The following ROBO1 variants were observed in gnomAD, a reference collection of about 807,000 sequenced individuals.
ROBO1 encodes roundabout guidance receptor 1.
ROBO1 carries 149 observed loss-of-function variants against 195.9 expected under a neutral mutation model. The ratio of observed to expected loss-of-function variants is 0.76; its 90% confidence interval spans 0.67 to 0.87. ROBO1 has a LOEUF of 0.87. Among genes scored for constraint, ROBO1 ranks in the 40% least tolerant of loss-of-function variants. The pLI, the probability that ROBO1 is intolerant of heterozygous loss-of-function variation, is 0.00. For synonymous variants in ROBO1, 816 were observed against 733.2 expected, an observed-to-expected ratio of 1.11 and a Z score of -1.82; for missense variants, 1,933 against 2,068.3, an observed-to-expected ratio of 0.93 and a Z score of 1.27.
At position 79,148,403 on chromosome 3, in the gene ROBO1, G is replaced by T. The variant is rs181301254; in HGVS notation, c.89-22864C>A. Among the ~76,000 whole-genome samples the T allele has an allele frequency of 2.2e-4, 33 of 151,886 alleles. No individual in the cohort carries two copies. The East Asian group carries it at 5.9e-3, about 27-fold the overall frequency. On this transcript the variant is annotated intron_variant, in intron 2 of 30. Transcript: ENST00000464233. Reference sequence around the variant, plus strand: ...TACTCAGGAGGCTGATGGGTCTCCTGAGCCTAGAGTTCGAGGCCAGCCTAG... The same window carrying T: ...TACTCAGGAGGCTGATGGGTCTCCTTAGCCTAGAGTTCGAGGCCAGCCTAG...
chr3:79,603,525 G>A (rs1324897543), intron 1 of ROBO1, among the ~76,000 whole-genome samples: 1 of 151,930 alleles, frequency 6.6e-6, no homozygotes, highest in African/African-American at 2.4e-5. Flanking sequence ...AACTGCTGCT[G>A]ATCTAACCTG....
intron 4 of ROBO1, among the ~76,000 whole-genome samples, chr3:78,900,490 A>C (rs2037518114): frequency 6.6e-6 from 1 of 152,174 alleles, no homozygotes; most frequent in African/African-American, 2.4e-5. Context: ...TGATGTTCTT[A>C]ATAAAAATGC....
In ROBO1 at chr3:78,597,589, ATG is replaced by A. The variant is rs1230927364; in HGVS notation, c.*1322_*1323del. Reference sequence around the variant, plus strand: ...TTATAAAATCAATGATATTCATAAAATGACAAAAAAGGATCATAGAAATCTAC... The same window carrying A: ...TTATAAAATCAATGATATTCATAAAAACAAAAAAGGATCATAGAAATCTAC... On this transcript the variant is annotated 3_prime_UTR_variant, in exon 31 of 31. Coordinates refer to ENST00000464233, the MANE Select transcript of ROBO1 (RefSeq NM_002941.4). The A allele has an allele frequency of 6.6e-6, 1 of 152,376 alleles. No homozygotes were observed. Among genetic ancestry groups the A allele is most frequent in the Admixed American group, 6.5e-5 (1 of 15,276 alleles). The allele number at this position is 152,376 out of a possible 1,614,324, so 9.4% of individuals were successfully genotyped here.
intron 2 of ROBO1, among the ~76,000 whole-genome samples, chr3:79,448,615 A>T (rs1031281969): frequency 1.3e-5 from 2 of 152,170 alleles, no homozygotes; most frequent in African/African-American, 4.8e-5. Context: ...TGGAGAGGGT[A>T]GTTTTCCTCA....
chr3:78,834,342 G>A (rs1346648472), intron 4 of ROBO1, among the ~76,000 whole-genome samples: 1 of 151,426 alleles, frequency 6.6e-6, no homozygotes, highest in Admixed American at 6.6e-5. Flanking sequence ...CGGCTTAGGT[G>A]TATTTACTAG....
chr3:79,308,184 A>G (rs2033309761), intron 2 of ROBO1, among the ~76,000 whole-genome samples: 1 of 152,190 alleles, frequency 6.6e-6, no homozygotes, highest in South Asian at 2.1e-4. Context: ...AAATGTATGT[A>G]CTCATTAACT....
intron 2 of ROBO1, among the ~76,000 whole-genome samples, chr3:79,365,754 G>A (rs1421588975): frequency 2.6e-5 from 4 of 151,860 alleles, no homozygotes; most frequent in South Asian, 2.1e-4. Flanking sequence ...AAAATTATCC[G>A]GGCGTGGTGG....
rs1305669372 is a variant in ROBO1 at position 78,685,883 on chromosome 3, G to T, written c.1205C>A (p.Ser402Tyr). 4 of 1,604,626 alleles carry T rather than the reference G, an allele frequency of 2.5e-6. No homozygotes were observed. The highest frequency in any genetic ancestry group is 3.4e-6 in the Non-Finnish European group (4 of 1,174,434). Residue 402 changes from serine to tyrosine, a missense_variant, in exon 10 of 31, where the codon TCC (serine) becomes TAC (tyrosine). Coordinates refer to ENST00000464233, the MANE Select transcript of ROBO1 (RefSeq NM_002941.4). ...LLFSYQPPQS[S>Y]SRFSVSQTGD... ...AGTCTGGGAGACTGAAAATCGGCTG[G>T]ATGACTGTGGTGGTTGATATGAGAA...
chr3:78,999,364 A>T (rs951069499), intron 3 of ROBO1, among the ~76,000 whole-genome samples: 1 of 150,072 alleles, frequency 6.7e-6, no homozygotes, highest in African/African-American at 2.5e-5. Context: ...ATGCAGCCAT[A>T]AAGAAGCATG....
chr3:79,313,784 T>C (rs2033605235), intron 2 of ROBO1, among the ~76,000 whole-genome samples: 1 of 152,110 alleles, frequency 6.6e-6, no homozygotes, highest in South Asian at 2.1e-4. Context: ...TACTACACAG[T>C]TAAAGGTAAA....
chr3:79,076,384 A>T (rs2079174568), intron 3 of ROBO1, among the ~76,000 whole-genome samples: 1 of 150,818 alleles, frequency 6.6e-6, no homozygotes, highest in African/African-American at 2.4e-5. Context: ...CATGACAGAA[A>T]AAAAGAGACT....
chr3:79,320,349 T>C (rs1208764387), intron 2 of ROBO1, among the ~76,000 whole-genome samples: 1 of 152,118 alleles, frequency 6.6e-6, no homozygotes, highest in Non-Finnish European at 1.5e-5. Context: ...GTTTGTTTGT[T>C]TCAGGGTCTC....
chr3:79,076,909 C>A (rs1015231574), intron 3 of ROBO1, among the ~76,000 whole-genome samples: 2 of 151,784 alleles, frequency 1.3e-5, no homozygotes, highest in Non-Finnish European at 2.9e-5. Context: ...AGTCATATTT[C>A]ACTTAGTGAA....
At chr3:79,562,173 A>C (rs537778266) in intron 2 of ROBO1, among the ~76,000 whole-genome samples, 50 of 152,240 alleles carry the variant, frequency 3.3e-4, no homozygotes, top group Admixed American at 3.3e-3. Context: ...TATATAGTCT[A>C]TGAACTATGT....
At chr3:79,015,406 G>T (rs1426367088) in intron 3 of ROBO1, among the ~76,000 whole-genome samples, 3 of 77,398 alleles carry the variant, frequency 3.9e-5, no homozygotes, top group Admixed American at 1.8e-4. Flanking sequence ...ACAAGAAAAA[G>T]AAAGTACCAG....
chr3:79,354,552 G>A (rs373499211), intron 2 of ROBO1, among the ~76,000 whole-genome samples: 30 of 152,216 alleles, frequency 2.0e-4, no homozygotes, highest in African/African-American at 6.7e-4. Context: ...GTATACAGCT[G>A]AGTACCTCTG....
chr3:79,698,233 A>G (rs1411745272), intron 1 of ROBO1, among the ~76,000 whole-genome samples: 3 of 151,526 alleles, frequency 2.0e-5, no homozygotes, highest in Non-Finnish European at 4.4e-5. Flanking sequence ...CAGTACAACT[A>G]TAACTATTAG....
intron 4 of ROBO1, among the ~76,000 whole-genome samples, chr3:78,783,126 A>C (rs1576157014): frequency 6.6e-6 from 1 of 152,086 alleles, no homozygotes; most frequent in African/African-American, 2.4e-5. Context: ...GTACAAGTGT[A>C]ATTTTGTTAT....
intron 4 of ROBO1, among the ~76,000 whole-genome samples, chr3:78,812,879 T>C (rs1386944152): frequency 6.6e-6 from 1 of 152,144 alleles, no homozygotes; most frequent in Non-Finnish European, 1.5e-5. Context: ...TTTAATCACA[T>C]AATCACATGA....
Sources: gnomAD v4.1 joint callset for allele counts (sites outside exome capture counted in the v4.1 genomes callset) on GRCh38, gnomAD v4.1.1 for gene constraint, MANE v1.5 for transcripts, NCBI Gene and HGNC (gene_info 2026-07-23, HGNC 2026-07-21) for gene names.